The following SLC6A3 variants were observed in gnomAD, a reference collection of about 807,000 sequenced individuals.
The protein encoded by SLC6A3 is sodium-dependent dopamine transporter.
SLC6A3 carries 19 observed loss-of-function variants against 70.4 expected under a neutral mutation model. The ratio of observed to expected loss-of-function variants is 0.27; its 90% CI spans 0.19 to 0.40. The LOEUF is 0.40. Ranked by LOEUF, SLC6A3 falls within the 10% of genes least tolerant of loss-of-function variation. The pLI is 1.00. For missense variants in SLC6A3, 613 were observed against 838.5 expected (o/e 0.73, Z 3.32); for synonymous variants, 368 against 356.6 (o/e 1.03, Z -0.36).
chr5:1,421,974 C>T lies in SLC6A3; in HGVS notation c.694G>A (p.Asp232Asn), dbSNP rs764108791. The change falls in exon 5 of 15, where the codon GAC becomes AAC. Residue 232 changes from aspartate to asparagine, a missense_variant. Physicochemically the swap from Asp to Asn is conservative, Grantham distance 23. Coordinates refer to ENST00000270349, the MANE Select transcript of SLC6A3 (RefSeq NM_001044.5). The surrounding 1 kb of genome is among the most constrained non-coding windows in gnomAD (Gnocchi z 7.2). ...AGCTGCCACCGCGGAGGCCCCAGGT[C>T]GTCGATGCCATGGCTCTGGTGGAGG... ...LHLHQSHGIDDLGPPRWQLTA... is the reference protein window; with the variant it reads ...LHLHQSHGIDNLGPPRWQLTA... 16 of 1,612,838 alleles carry T rather than the reference C, an allele frequency of 9.9e-6. No homozygotes were observed. The highest frequency in any genetic ancestry group is 4.0e-5 in the African/African-American group (3 of 74,914).
In SLC6A3 at chr5:1,406,204, C is replaced by A; in HGVS notation, c.1583G>T (p.Ser528Ile). 1 of 1,612,404 alleles carries A rather than the reference C, an allele frequency of 6.2e-7. No homozygotes were observed. Among genetic ancestry groups the A allele is most frequent in the South Asian group, 1.1e-5 (1 of 91,078 alleles). The change falls in exon 12 of 15, where the codon AGC becomes ATC. Residue 528 changes from serine to isoleucine, a missense_variant. Ser to Ile is a moderately radical substitution (Grantham distance 142, BLOSUM62 -2). Transcript: ENST00000270349. This position sits in a 1 kb window ranked among gnomAD's most constrained non-coding sequence, Gnocchi z 8.8. ...LYWRLCWKLV[S>I]PCFLLFVVVV... ...GTCCCTTACCAGGAGAAAGCAGGGG[C>A]TGACCAGCTTCCAGCACAGCCGCCA...
In SLC6A3 at chr5:1,416,090, G is replaced by A; in HGVS notation, c.1031+8C>T. 6.2e-7 allele frequency: 1 copy of A among 1,607,608 alleles called. No individual in the cohort carries two copies. The highest frequency in any genetic ancestry group is 1.1e-5 in the South Asian group (1 of 90,966). On this transcript the variant is annotated splice_region_variant and intron_variant, in intron 7 of 14. Coordinates refer to ENST00000270349, the MANE Select transcript of SLC6A3 (RefSeq NM_001044.5). ...TGAGGCCCCTGCCTGGCCCTGCTAG[G>A]GGCTCACCTGTAGCAGTTGTTGGTG...
Position 1,401,381 on chromosome 5 carries a change from G to T in SLC6A3, c.1768-395C>A, listed in dbSNP as rs1214900764. 1.1e-5 allele frequency: 5 copies of T among 442,632 alleles called. No individual in the cohort carries two copies. The highest frequency in any genetic ancestry group is 8.1e-5 in the Admixed American group (3 of 36,816). The allele number at this position is 442,632 out of a possible 1,614,324, so 27.4% of individuals were successfully genotyped here. On this transcript the variant is annotated intron_variant, in intron 13 of 14. Coordinates refer to ENST00000270349, the MANE Select transcript of SLC6A3 (RefSeq NM_001044.5). This position sits in a 1 kb window ranked among gnomAD's most constrained non-coding sequence, Gnocchi z 6.1. ...GTGGGCTGCCTCGGGGCCACCTGCA[G>T]CTGACATATTCCGGGAGCACTTGCT...
chr5:1,432,705 G>A lies in SLC6A3; in HGVS notation c.419-7C>T, dbSNP rs1026280247. On this transcript the variant is annotated splice_region_variant and splice_polypyrimidine_tract_variant and intron_variant, in intron 3 of 14. Transcript: ENST00000270349. ...ATGACCGTGAAGCCCACACCTAGCG[G>A]GAAGGGGGAGGCCATGGAGCCCACG... is the stretch of plus-strand genomic sequence containing the variant. The A allele has an allele frequency of 6.2e-7, 1 of 1,607,382 alleles. No homozygotes were observed. Among genetic ancestry groups the A allele is most frequent in the Non-Finnish European group, 8.5e-7 (1 of 1,174,180 alleles).
At position 1,420,686 on chromosome 5, in the gene SLC6A3, G is replaced by C; in HGVS notation, c.810C>G (p.Ala270=). ...CAGTGAGGACCACGTATGGCATGGTGGCTGTGATCCATACCACCTGCAGGA... is the reference window on the plus strand; with the variant it reads ...CAGTGAGGACCACGTATGGCATGGTCGCTGTGATCCATACCACCTGCAGGA... ...KTSGKVVWIT[A]TMPYVVLTAL... Residue 270 remains alanine (A), a synonymous_variant, in exon 6 of 15, where the codon GCC becomes GCG. Coordinates refer to ENST00000270349, the MANE Select transcript of SLC6A3 (RefSeq NM_001044.5). 1 of 1,613,404 alleles carries C rather than the reference G, an allele frequency of 6.2e-7. No homozygotes were observed. Among genetic ancestry groups the C allele is most frequent in the African/African-American group, 1.3e-5 (1 of 75,006 alleles).
In SLC6A3 at chr5:1,401,122, G is replaced by T; in HGVS notation, c.1768-136C>A. 1.4e-6 allele frequency: 1 copy of T among 725,652 alleles called. No homozygotes were observed. The highest frequency in any genetic ancestry group is 2.5e-6 in the Non-Finnish European group (1 of 402,852). 45.0% of individuals were successfully genotyped at this position (725,652 alleles called of 1,614,324 possible). A position where few individuals can be genotyped will look rare whatever the true frequency, so the allele number is the denominator to read the frequency against. On this transcript the variant is annotated intron_variant, in intron 13 of 14. Transcript: ENST00000270349. The surrounding 1 kb of genome is among the most constrained non-coding windows in gnomAD (Gnocchi z 6.1). Reference sequence around the variant, plus strand: ...CCTCCTCACCTGCCAATGCCCACCCGCTGGCATCCATATCACCAGCGCCCA... The same window carrying T: ...CCTCCTCACCTGCCAATGCCCACCCTCTGGCATCCATATCACCAGCGCCCA...
intron 8 of SLC6A3, among the ~76,000 whole-genome samples, chr5:1,414,424 A>G (rs13169612): frequency 0.32 from 7,965 of 25,174 alleles, 502 homozygotes; most frequent in African/African-American, 0.39. Flanking sequence ...GGCAGGGCGG[A>G]GAAGGCACTG....
rs1259465354 is a variant in SLC6A3, at chr5:1,438,247, G to A, written c.418+3112C>T. Among the ~76,000 whole-genome samples the A allele has an allele frequency of 6.6e-6, 1 of 152,200 alleles. No homozygotes were observed. The highest frequency in any genetic ancestry group is 1.9e-4 in the East Asian group (1 of 5,196). On this transcript the variant is annotated intron_variant, in intron 3 of 14. Coordinates refer to ENST00000270349, the MANE Select transcript of SLC6A3 (RefSeq NM_001044.5). This position sits in a 1 kb window ranked among gnomAD's most constrained non-coding sequence, Gnocchi z 6.5. The stretch of plus-strand genomic sequence containing the variant: ...TGTGAACAAGCTCTTCCAAAGATCC[G>A]CCCGCAGGGCCACGAGCCTTCCTTC...
rs1560912355 is a variant in SLC6A3, at chr5:1,413,769, G to A, written c.1156+922C>T. On this transcript the variant is annotated intron_variant, in intron 8 of 14. Coordinates refer to ENST00000270349, the MANE Select transcript of SLC6A3 (RefSeq NM_001044.5). This position sits in a 1 kb window ranked among gnomAD's most constrained non-coding sequence, Gnocchi z 7.1. ...TGGCTGACAGAGACCGAGAAGCCTT[G>A]GGACTCCCTGGAGCTCTCGGTTGGC... Among the ~76,000 whole-genome samples the A allele has an allele frequency of 6.6e-6, 1 of 152,086 alleles. No homozygotes were observed. Among genetic ancestry groups the A allele is most frequent in the Non-Finnish European group, 1.5e-5 (1 of 68,008 alleles).
chr5:1,441,558 G>A (rs1385000975), intron 2 of SLC6A3, 68 bp from the exon 3 acceptor site: 5 of 1,570,568 alleles, frequency 3.2e-6, no homozygotes, highest in Non-Finnish European at 4.3e-6. Flanking sequence ...TGGGAGCTTG[G>A]GCGGCTACCC....
intron 10 of SLC6A3, 125 bp downstream of exon 10, chr5:1,409,596 G>T: frequency 9.1e-7 from 1 of 1,096,214 alleles, no homozygotes; most frequent in Non-Finnish European, 1.4e-6. Flanking sequence ...TTCTGGGGTG[G>T]GTGGGTTCGC....
At chr5:1,439,914 G>A (rs922723265) in intron 3 of SLC6A3, among the ~76,000 whole-genome samples, 5 of 152,216 alleles carry the variant, frequency 3.3e-5, no homozygotes, top group African/African-American at 4.8e-5. Flanking sequence ...GAACGACCCC[G>A]GCCCTCTGGT....
In SLC6A3 at chr5:1,401,530, G is replaced by C. The variant is rs577753145; in HGVS notation, c.1768-544C>G. ...CCCAGAGCAGGCAGCATCTTCAGGA[G>C]CTCACCCTCTCGGGCCTGGATGCCT... On this transcript the variant is annotated intron_variant, in intron 13 of 14. Coordinates refer to ENST00000270349, the MANE Select transcript of SLC6A3 (RefSeq NM_001044.5). This position sits in a 1 kb window ranked among gnomAD's most constrained non-coding sequence, Gnocchi z 6.1. Among the ~76,000 whole-genome samples the C allele has an allele frequency of 1.2e-4, 19 of 152,276 alleles. No individual in the cohort carries two copies. The South Asian group carries it at 3.5e-3, about 28-fold the overall frequency.
chr5:1,407,811 T>G (rs1487275915), intron 11 of SLC6A3, among the ~76,000 whole-genome samples: 1 of 152,364 alleles, frequency 6.6e-6, no homozygotes, highest in East Asian at 1.9e-4. Context: ...AGAGCAACAC[T>G]GAAAACAATG....
At chr5:1,423,962 G>A (rs1462378966) in intron 4 of SLC6A3, among the ~76,000 whole-genome samples, 2 of 152,174 alleles carry the variant, frequency 1.3e-5, no homozygotes, top group African/African-American at 4.8e-5. Flanking sequence ...TGCAGCCTTG[G>A]GGAGCTTTCC....
chr5:1,412,328 G>A (rs1756149481), intron 8 of SLC6A3, among the ~76,000 whole-genome samples: 1 of 152,258 alleles, frequency 6.6e-6, no homozygotes. Flanking sequence ...CTGGGGCCCT[G>A]AGGGCTCAGA....
At chr5:1,412,733 G>A (rs28363090) in intron 8 of SLC6A3, among the ~76,000 whole-genome samples, 298 of 152,344 alleles carry the variant, frequency 2.0e-3, no homozygotes, top group East Asian at 0.01. Context: ...CAGCAGGCAC[G>A]TGTCTGGCCC....
At position 1,400,838 on chromosome 5, in the gene SLC6A3, C is replaced by T. The variant is rs568829202; in HGVS notation, c.1839+77G>A. Reference sequence around the variant, plus strand: ...ACCATCTACACCAGCCTCGGAGCCCCCTGGGGGCTAAGAACACTGAGCTTG... The same window carrying T: ...ACCATCTACACCAGCCTCGGAGCCCTCTGGGGGCTAAGAACACTGAGCTTG... On this transcript the variant is annotated intron_variant, in intron 14 of 14. Transcript: ENST00000270349. 6 of 1,167,888 alleles carry T rather than the reference C, an allele frequency of 5.1e-6. No homozygotes were observed. In the East Asian group the frequency reaches 1.3e-4, roughly 25 times the overall value. The allele number at this position is 1,167,888 out of a possible 1,614,324, so 72.3% of individuals were successfully genotyped here.
rs949404393 is a variant in SLC6A3, at chr5:1,402,263, G to T, written c.1767+659C>A. ...GAGGGAGTGTCCTTGTCTCTTCCTG[G>T]AACCACAGAGCCAGGGTGTTAAACA... On this transcript the variant is annotated intron_variant, in intron 13 of 14. Coordinates refer to ENST00000270349, the MANE Select transcript of SLC6A3 (RefSeq NM_001044.5). The surrounding 1 kb of genome is among the most constrained non-coding windows in gnomAD (Gnocchi z 8.5). Among the ~76,000 whole-genome samples the T allele has an allele frequency of 1.3e-5, 2 of 151,804 alleles. No individual in the cohort carries two copies. The highest frequency in any genetic ancestry group is 2.9e-5 in the Non-Finnish European group (2 of 67,954).
Sources: allele counts gnomAD v4.1 joint callset (sites outside exome capture counted in the v4.1 genomes callset), GRCh38; gene constraint gnomAD v4.1.1; non-coding constraint Gnocchi (gnomAD v3.1); transcripts MANE v1.5; gene names NCBI Gene and HGNC (gene_info 2026-07-23, HGNC 2026-07-21).